The following PPARGC1A variants were observed in gnomAD, a reference collection of about 807,000 sequenced individuals.
PPARGC1A encodes the protein peroxisome proliferator-activated receptor gamma coactivator 1-alpha.
In PPARGC1A, 25 loss-of-function variants were observed where a neutral mutation model predicts 88.7. The ratio of observed to expected loss-of-function variants is 0.28; its 90% CI spans 0.21 to 0.39. The LOEUF is 0.39. Ranked by LOEUF, PPARGC1A falls within the 10% of genes least tolerant of loss-of-function variation. PPARGC1A has a pLI of 1.00. For synonymous variants in PPARGC1A, 363 were observed against 355.6 expected, an observed-to-expected ratio of 1.02 and a Z score of -0.24; for missense variants, 880 against 968.7, an observed-to-expected ratio of 0.91 and a Z score of 1.22.
At chr4:24,236,525 AC>A in the PPARGC1A span, among the ~76,000 whole-genome samples, 1 of 151,978 alleles carries the variant, frequency 6.6e-6, no homozygotes, top group Non-Finnish European at 1.5e-5. Context: ...GAAAAATGAA[AC>A]CTCATCTATC....
chr4:24,230,251 A>G, the PPARGC1A span, among the ~76,000 whole-genome samples: 1 of 152,118 alleles, frequency 6.6e-6, no homozygotes, highest in Non-Finnish European at 1.5e-5. Flanking sequence ...ATGTTTTGGG[A>G]TGAGAAGGAT....
the PPARGC1A span, among the ~76,000 whole-genome samples, chr4:23,984,000 T>C: frequency 6.6e-6 from 1 of 152,152 alleles, no homozygotes. Flanking sequence ...TTATCACCCA[T>C]TCTTTTATGT....
chr4:24,364,097 T>C, the PPARGC1A span, among the ~76,000 whole-genome samples: 5 of 152,134 alleles, frequency 3.3e-5, no homozygotes, highest in African/African-American at 1.2e-4. Flanking sequence ...TTTTAACAAC[T>C]GCCACAACTG....
At chr4:24,009,202 T>A in the PPARGC1A span, among the ~76,000 whole-genome samples, 1 of 151,716 alleles carries the variant, frequency 6.6e-6, no homozygotes, top group Admixed American at 6.6e-5. Context: ...TTATATCAAT[T>A]TTACATAATT....
chr4:24,154,252 A>AT, the PPARGC1A span, among the ~76,000 whole-genome samples: 1 of 152,104 alleles, frequency 6.6e-6, no homozygotes, highest in Non-Finnish European at 1.5e-5. Flanking sequence ...TTATGTGTCT[A>AT]TTTTGCTTCT....
the PPARGC1A span, among the ~76,000 whole-genome samples, chr4:24,330,670 T>C: frequency 6.6e-6 from 1 of 152,072 alleles, no homozygotes; most frequent in Non-Finnish European, 1.5e-5. Context: ...TAGGCAGCAA[T>C]AAATAGCCAA....
At chr4:24,270,722 G>A in the PPARGC1A span, among the ~76,000 whole-genome samples, 1 of 152,268 alleles carries the variant, frequency 6.6e-6, no homozygotes, top group East Asian at 1.9e-4. Flanking sequence ...GATATCCACT[G>A]ATTGGTAGCT....
chr4:24,258,369 G>A, the PPARGC1A span: 1 of 190,696 alleles, frequency 5.2e-6, no homozygotes, highest in Non-Finnish European at 9.7e-6. Flanking sequence ...TGAGAATTCA[G>A]TAATGGGAGA....
the PPARGC1A span, among the ~76,000 whole-genome samples, chr4:24,005,170 G>T: frequency 3.9e-5 from 6 of 151,976 alleles, no homozygotes; most frequent in Non-Finnish European, 8.8e-5. Context: ...GAAGCTAGTG[G>T]CTTAAAGAAA....
the PPARGC1A span, among the ~76,000 whole-genome samples, chr4:24,283,949 A>T: frequency 0.019 from 2,824 of 152,206 alleles, 45 homozygotes; most frequent in Non-Finnish European, 0.028. Context: ...ATCCAGCTTT[A>T]CAGATGGGGA....
At chr4:24,423,204 G>T in the PPARGC1A span, among the ~76,000 whole-genome samples, 1 of 152,108 alleles carries the variant, frequency 6.6e-6, no homozygotes. Flanking sequence ...GTAGATACTG[G>T]TTGCTCTCAC....
chr4:24,333,036 G>A, the PPARGC1A span, among the ~76,000 whole-genome samples: 11 of 152,320 alleles, frequency 7.2e-5, no homozygotes, highest in Non-Finnish European at 1.5e-4. Context: ...GAGGTCAGGA[G>A]TTCGAGACCA....
the PPARGC1A span, among the ~76,000 whole-genome samples, chr4:24,303,140 C>T: frequency 1.3e-5 from 2 of 152,152 alleles, no homozygotes; most frequent in African/African-American, 2.4e-5. Context: ...CAGCTAAACA[C>T]GAACAGCTTA....
chr4:24,430,251 A>ATTT, the PPARGC1A span, among the ~76,000 whole-genome samples: 770 of 131,560 alleles, frequency 5.9e-3, 13 homozygotes, highest in East Asian at 0.072. Flanking sequence ...GATATTTTGT[A>ATTT]TTTCTTTTTT....
intron 1 of PPARGC1A, among the ~76,000 whole-genome samples, 184 bp downstream of exon 1, chr4:23,889,720 C>T (rs1228039526): frequency 2.0e-5 from 3 of 152,160 alleles, no homozygotes; most frequent in African/African-American, 7.2e-5. Flanking sequence ...CAAGCCATCT[C>T]AGAGCCACCT....
intron 1 of PPARGC1A, among the ~76,000 whole-genome samples, chr4:23,886,675 G>T (rs533877658): frequency 6.6e-6 from 1 of 152,100 alleles, no homozygotes; most frequent in East Asian, 1.9e-4. Context: ...TCTCGTTCTG[G>T]TACAATGCTC....
At chr4:24,210,238 C>G in the PPARGC1A span, among the ~76,000 whole-genome samples, 2 of 152,122 alleles carry the variant, frequency 1.3e-5, no homozygotes, top group Admixed American at 1.3e-4. Context: ...TAAATAAGAT[C>G]ACTGGTATTA....
chr4:23,842,570 C>A (rs1007826514), intron 2 of PPARGC1A, among the ~76,000 whole-genome samples: 14 of 152,046 alleles, frequency 9.2e-5, no homozygotes. Flanking sequence ...CATATTAAGC[C>A]AGATAATCCT....
the PPARGC1A span, among the ~76,000 whole-genome samples, chr4:24,135,229 G>T: frequency 6.6e-6 from 1 of 152,124 alleles, no homozygotes; most frequent in African/African-American, 2.4e-5. Flanking sequence ...GGAATGCAGA[G>T]GTGTCTCTGT....
Sources: gnomAD v4.1 joint callset for allele counts (sites outside exome capture counted in the v4.1 genomes callset) on GRCh38, gnomAD v4.1.1 for gene constraint, MANE v1.5 for transcripts, NCBI Gene and HGNC (gene_info 2026-07-23, HGNC 2026-07-21) for gene names.